The following KIF13A variants were observed in gnomAD, a reference collection of about 807,000 sequenced individuals.
KIF13A encodes the protein kinesin family member 13A.
KIF13A carries 79 observed loss-of-function variants against 212.2 expected under a neutral mutation model. That is an observed-to-expected ratio of 0.37 (90% CI 0.31 to 0.45). The LOEUF is 0.45. KIF13A is among the 20% of genes least tolerant of loss of function. The pLI is 1.00. For synonymous variants in KIF13A, 789 were observed against 808.6 expected (o/e 0.98, Z 0.41); for missense variants, 1,901 against 2,209.0 (o/e 0.86, Z 2.79).
chr6:17,862,920 C>G (rs1464367795), intron 4 of KIF13A, among the ~76,000 whole-genome samples: 8 of 152,156 alleles, frequency 5.3e-5, no homozygotes, highest in African/African-American at 1.4e-4. Context: ...TGCACTCCAG[C>G]TCAGGCGACA....
In KIF13A at chr6:17,793,719, T is replaced by C. The variant is rs559604055; in HGVS notation, c.3222+530A>G. Among the ~76,000 whole-genome samples the C allele has an allele frequency of 1.8e-3, 273 of 151,060 alleles. 2 individuals are homozygous for C. Among genetic ancestry groups the C allele is most frequent in the Non-Finnish European group, 2.9e-3 (196 of 67,966 alleles). ...CTTGAGTCCAGGAATTTGAGACCAG[T>C]GTGGGCAACAGAATGACATGCCCTT... On this transcript the variant is annotated intron_variant, in intron 25 of 38. Transcript: ENST00000259711.
Position 17,855,950 on chromosome 6 carries a change from A to C in KIF13A, c.313+80T>G. 1 of 969,404 alleles carries C rather than the reference A, an allele frequency of 1.0e-6. No individual in the cohort carries two copies. Among genetic ancestry groups the C allele is most frequent in the South Asian group, 1.5e-5 (1 of 68,720 alleles). The allele number at this position is 969,404 out of a possible 1,614,324, so 60.1% of individuals were successfully genotyped here. On this transcript the variant is annotated intron_variant, in intron 5 of 38. Transcript: ENST00000259711. The surrounding 1 kb of genome is among the most constrained non-coding windows in gnomAD (Gnocchi z 4.1). ...GGTCTCAAACTCCTGGGCTCAGGAG[A>C]TCCTCCCACCCCAGCCTCACCAAGT...
chr6:17,821,871 C>T, intron 16 of KIF13A: 4 of 1,535,238 alleles, frequency 2.6e-6, no homozygotes, highest in Non-Finnish European at 3.5e-6. Flanking sequence ...AAGGGGATGA[C>T]CACCAGGCAG....
chr6:17,941,928 C>T (rs893396702), intron 2 of KIF13A, among the ~76,000 whole-genome samples: 1 of 151,836 alleles, frequency 6.6e-6, no homozygotes, highest in Non-Finnish European at 1.5e-5. Flanking sequence ...GGAAAGTTTA[C>T]GGTGAGTGTT....
At chr6:17,857,951 A>AT (rs140610586) in intron 4 of KIF13A, among the ~76,000 whole-genome samples, 12,500 of 152,240 alleles carry the variant, frequency 0.082, 617 homozygotes, top group Non-Finnish European at 0.11. Flanking sequence ...ACTACATAAC[A>AT]TTTTTAAAAA....
intron 3 of KIF13A, chr6:17,882,139 T>G (rs1270502276): frequency 1.1e-5 from 5 of 447,992 alleles, no homozygotes; most frequent in Non-Finnish European, 2.3e-5. Flanking sequence ...TATCTCTGTA[T>G]CCTTTCATTT....
chr6:17,847,807 CTATTAT>C (rs555293356), intron 9 of KIF13A, among the ~76,000 whole-genome samples: 1 of 151,944 alleles, frequency 6.6e-6, no homozygotes, highest in African/African-American at 2.4e-5. Context: ...GAAGTAGGTA[CTATTAT>C]TATTATTATT....
chr6:17,906,502 G>A (rs1340078812), intron 2 of KIF13A, among the ~76,000 whole-genome samples: 2 of 141,104 alleles, frequency 1.4e-5, no homozygotes, highest in African/African-American at 5.3e-5. Context: ...AGGCTGGAGT[G>A]CAATGATGTG....
At position 17,984,570 on chromosome 6, in the gene KIF13A, A is replaced by G; in HGVS notation, c.146+2484T>C. On this transcript the variant is annotated intron_variant, in intron 2 of 38. Transcript: ENST00000259711. This position sits in a 1 kb window ranked among gnomAD's most constrained non-coding sequence, Gnocchi z 5.0. ...GTTTTGTAAAATGGGGAAACAATGAAAGCTGACCCCATCTGTTTTTTTTTT... is the reference window on the plus strand; with the variant it reads ...GTTTTGTAAAATGGGGAAACAATGAGAGCTGACCCCATCTGTTTTTTTTTT... 2 of 984,896 alleles carry G rather than the reference A, an allele frequency of 2.0e-6. No homozygotes were observed. Among genetic ancestry groups the G allele is most frequent in the Non-Finnish European group, 2.4e-6 (2 of 829,522 alleles). 61.0% of individuals were successfully genotyped at this position (984,896 alleles called of 1,614,324 possible).
In KIF13A at chr6:17,961,714, T is replaced by C. The variant is rs931445036; in HGVS notation, c.146+25340A>G. Among the ~76,000 whole-genome samples, 3 of 152,208 alleles carry C rather than the reference T, an allele frequency of 2.0e-5. No individual in the cohort carries two copies. Among genetic ancestry groups the C allele is most frequent in the Non-Finnish European group, 2.9e-5 (2 of 68,032 alleles). Reference sequence around the variant, plus strand: ...TACAATTGTATAACAGTTATTTTCCTGTTTGCATGGGCTTCTAGGATCCTC... The same window carrying C: ...TACAATTGTATAACAGTTATTTTCCCGTTTGCATGGGCTTCTAGGATCCTC... On this transcript the variant is annotated intron_variant, in intron 2 of 38. Coordinates refer to ENST00000259711, the MANE Select transcript of KIF13A (RefSeq NM_022113.6). The surrounding 1 kb of genome is among the most constrained non-coding windows in gnomAD (Gnocchi z 4.1).
intron 2 of KIF13A, among the ~76,000 whole-genome samples, chr6:17,958,866 TTTTC>T (rs139429112): frequency 0.097 from 13,458 of 138,856 alleles, 820 homozygotes; most frequent in East Asian, 0.17. Context: ...TTGTGTGTCT[TTTTC>T]TTTTTCTTTT....
At chr6:17,936,044 G>A (rs1776430808) in intron 2 of KIF13A, among the ~76,000 whole-genome samples, 1 of 152,172 alleles carries the variant, frequency 6.6e-6, no homozygotes, top group Admixed American at 6.5e-5. Flanking sequence ...ACATATGAAT[G>A]ATTAAAAGTA....
chr6:17,795,432 A>C lies in KIF13A; in HGVS notation c.2943-728T>G, dbSNP rs558838575. On this transcript the variant is annotated intron_variant, in intron 23 of 38. Transcript: ENST00000259711. The stretch of plus-strand genomic sequence containing the variant: ...ACCCTGTCTCTACCAAAAATACAAA[A>C]AAAAAAAAAAAAATTATCCGGGCAT... Among the ~76,000 whole-genome samples, 141 of 151,854 alleles carry C rather than the reference A, an allele frequency of 9.3e-4. 3 individuals carry two copies. Among genetic ancestry groups the C allele is most frequent in the African/African-American group, 3.2e-3 (134 of 41,456 alleles).
rs1481327769 is a variant in KIF13A, at chr6:17,829,873, A to G, written c.1401+1228T>C. Among the ~76,000 whole-genome samples the G allele has an allele frequency of 6.6e-6, 1 of 152,076 alleles. No homozygotes were observed. Among genetic ancestry groups the G allele is most frequent in the Non-Finnish European group, 1.5e-5 (1 of 68,014 alleles). Reference sequence around the variant, plus strand: ...TTTGGCTTATTCTCCATTGCATTTTATGTATTTACTAGGCAGATCAGAATC... The same window carrying G: ...TTTGGCTTATTCTCCATTGCATTTTGTGTATTTACTAGGCAGATCAGAATC... On this transcript the variant is annotated intron_variant, in intron 13 of 38. Transcript: ENST00000259711. The surrounding 1 kb of genome is among the most constrained non-coding windows in gnomAD (Gnocchi z 5.4).
rs552467352 is a variant in KIF13A at position 17,895,935 on chromosome 6, T to G, written c.159+2233A>C. Reference sequence around the variant, plus strand: ...GAACAGGAACTTTCATTCTATGAATTTCACAAATATTTTGCCTCTTGTGGT... The same window carrying G: ...GAACAGGAACTTTCATTCTATGAATGTCACAAATATTTTGCCTCTTGTGGT... On this transcript the variant is annotated intron_variant, in intron 3 of 38. Transcript: ENST00000259711. The surrounding 1 kb of genome is among the most constrained non-coding windows in gnomAD (Gnocchi z 4.4). 6.6e-6 allele frequency among the ~76,000 whole-genome samples: 1 copy of G among 152,318 alleles called. No homozygotes were observed. Among genetic ancestry groups the G allele is most frequent in the African/African-American group, 2.4e-5 (1 of 41,564 alleles).
chr6:17,831,180 T>C lies in KIF13A; in HGVS notation c.1322A>G (p.Lys441Arg), dbSNP rs762252182. 6.2e-7 allele frequency: 1 copy of C among 1,613,958 alleles called. No individual in the cohort carries two copies. The highest frequency in any genetic ancestry group is 1.7e-5 in the Admixed American group (1 of 60,018). Reference sequence around the variant, plus strand: ...TAAGTAGCATTTGTCATCCCCCACCTTGATACCGGACATCTCCAGGGAAAT... The same window carrying C: ...TAAGTAGCATTTGTCATCCCCCACCCTGATACCGGACATCTCCAGGGAAAT... ...MGISLEMSGI[K>R]VGDDKCYLVN... Residue 441 changes from lysine (K) to arginine (R), a missense_variant, in exon 13 of 39, where the codon AAG (lysine) becomes AGG (arginine). Physicochemically the swap from Lys to Arg is conservative, Grantham distance 26. Around this residue, in one of 5 missense-constraint regions of KIF13A, gnomAD observed 506 missense variants for 637.4 expected, o/e 0.79. Transcript: ENST00000259711.
chr6:17,985,636 GGGGT>G lies in KIF13A; in HGVS notation c.146+1414_146+1417del, dbSNP rs1227601909. ...CCCGAAACAATATGCAGTTTGCGGGGGGGTGGGGGGAGGGGACATTCGTTGGTGA... is the reference window on the plus strand; with the variant it reads ...CCCGAAACAATATGCAGTTTGCGGGGGGGGGGAGGGGACATTCGTTGGTGA... On this transcript the variant is annotated intron_variant, in intron 2 of 38. Coordinates refer to ENST00000259711, the MANE Select transcript of KIF13A (RefSeq NM_022113.6). Among the ~76,000 whole-genome samples, 14 of 107,402 alleles carry G rather than the reference GGGGT, an allele frequency of 1.3e-4. 1 individual carries two copies. Among genetic ancestry groups the G allele is most frequent in the East Asian group, 3.3e-4 (1 of 3,024 alleles). The allele number at this position is 107,402 out of a possible 152,430, so 70.5% of individuals were successfully genotyped here.
chr6:17,849,226 A>C lies in KIF13A; in HGVS notation c.830+151T>G. 1.7e-6 allele frequency: 1 copy of C among 582,750 alleles called. No homozygotes were observed. Among genetic ancestry groups the C allele is most frequent in the Non-Finnish European group, 3.0e-6 (1 of 330,742 alleles). The allele number at this position is 582,750 out of a possible 1,614,324, so 36.1% of individuals were successfully genotyped here. ...CCAAAAACCTCATACATCTTAACAG[A>C]CACAGGTTGTTGTTGTTTTTCTTCA... is the stretch of plus-strand genomic sequence containing the variant. On this transcript the variant is annotated intron_variant, in intron 9 of 38. Coordinates refer to ENST00000259711, the MANE Select transcript of KIF13A (RefSeq NM_022113.6). The surrounding 1 kb of genome is among the most constrained non-coding windows in gnomAD (Gnocchi z 5.7).
chr6:17,975,804 CAG>C (rs772765709), intron 2 of KIF13A, among the ~76,000 whole-genome samples: 9 of 152,062 alleles, frequency 5.9e-5, no homozygotes, highest in Admixed American at 2.0e-4. Flanking sequence ...TAGCTAGATA[CAG>C]AGTGTCAATT....
Sources: allele counts gnomAD v4.1 joint callset (sites outside exome capture counted in the v4.1 genomes callset), GRCh38; gene constraint gnomAD v4.1.1; regional missense constraint gnomAD v4.1.1; non-coding constraint Gnocchi (gnomAD v3.1); transcripts MANE v1.5; gene names NCBI Gene and HGNC (gene_info 2026-07-23, HGNC 2026-07-21).